Variants in TEX101 observed in about 807,000 individuals in gnomAD.
The protein encoded by TEX101 is testis-expressed protein 101.
TEX101 carries 10 observed loss-of-function variants against 18.1 expected under a neutral mutation model. The ratio of observed to expected loss-of-function variants is 0.55; its 90% CI spans 0.34 to 0.94. The LOEUF (loss-of-function observed/expected upper bound fraction) is 0.94. TEX101 is among the 40% of genes least tolerant of loss of function. The pLI, the probability that TEX101 is intolerant of heterozygous loss-of-function variation, is 0.02. For synonymous variants in TEX101, 94 were observed against 114.8 expected (o/e 0.82, Z 1.16); for missense variants, 259 against 298.9 (o/e 0.87, Z 0.98).
the TEX101 span, among the ~76,000 whole-genome samples, chr19:43,396,396 T>G: frequency 4.6e-5 from 7 of 152,252 alleles, no homozygotes; most frequent in East Asian, 9.6e-4. Flanking sequence ...AACTCACTGT[T>G]TTTCTGTAGC....
chr19:43,392,709 TAC>T, the TEX101 span, among the ~76,000 whole-genome samples: 48 of 151,910 alleles, frequency 3.2e-4, no homozygotes, highest in African/African-American at 1.1e-3. Flanking sequence ...GCTGGAGAGA[TAC>T]AGAGTGAGAG....
chr19:43,406,189 C>G, intron 2 of TEX101: 1 of 341,402 alleles, frequency 2.9e-6, no homozygotes, highest in East Asian at 6.3e-5. Flanking sequence ...GCTTAGGCTG[C>G]TGTGGGTATT....
intron 1 of TEX101, among the ~76,000 whole-genome samples, chr19:43,402,336 A>G (rs752435607): frequency 1.1e-4 from 17 of 152,240 alleles, no homozygotes; most frequent in African/African-American, 3.9e-4. Flanking sequence ...GAACATGATT[A>G]CATTAGATTA....
chr19:43,388,705 T>G, the TEX101 span, among the ~76,000 whole-genome samples: 5 of 152,210 alleles, frequency 3.3e-5, no homozygotes, highest in Non-Finnish European at 5.9e-5. Context: ...TGTAACGGGT[T>G]GCACCTGCTT....
the TEX101 span, among the ~76,000 whole-genome samples, chr19:43,392,863 GC>G: frequency 9.9e-5 from 15 of 152,050 alleles, no homozygotes; most frequent in African/African-American, 2.9e-4. Context: ...TTTGAGACCA[GC>G]CTGGCCAACA....
upstream of TEX101, among the ~76,000 whole-genome samples, chr19:43,413,146 T>C (rs1293951137): frequency 1.3e-5 from 2 of 152,158 alleles, no homozygotes; most frequent in Non-Finnish European, 2.9e-5. Context: ...CCCAGTCACG[T>C]TTCCCACGCT....
At chr19:43,391,889 A>G in the TEX101 span, among the ~76,000 whole-genome samples, 3 of 152,232 alleles carry the variant, frequency 2.0e-5, no homozygotes, top group Admixed American at 1.3e-4. Flanking sequence ...CTGCAGTCTC[A>G]GGAAATATGG....
chr19:43,393,019 CT>C, the TEX101 span, among the ~76,000 whole-genome samples: 1 of 148,498 alleles, frequency 6.7e-6, no homozygotes, highest in African/African-American at 2.6e-5. Flanking sequence ...GATTGTGCCA[CT>C]GCACTCCAGC....
At position 43,415,961 on chromosome 19, in the gene TEX101, C is replaced by G. The variant is rs773506796; in HGVS notation, c.42C>G (p.Val14=). 14 of 1,614,018 alleles carry G rather than the reference C, an allele frequency of 8.7e-6. No individual in the cohort carries two copies. The South Asian group carries it at 1.4e-4, about 16-fold the overall frequency. The part of the protein sequence containing the change: ...PRIQHLLILL[V]LGASLLTSGL... ...TCCAGCATTTGCTGATCCTCCTGGT[C>G]CTAGGAGCCTCCCTCCTGACCTGTG... The change falls in exon 2 of 6, where the codon GTC becomes GTG. Residue 14 remains valine (V), a synonymous_variant. Transcript: ENST00000598265.
upstream of TEX101, among the ~76,000 whole-genome samples, chr19:43,400,548 G>A (rs1402292944): frequency 6.6e-6 from 1 of 152,146 alleles, no homozygotes; most frequent in African/African-American, 2.4e-5. Context: ...ACTGAATGCA[G>A]TTTAGATTTC....
At chr19:43,414,877 G>A (rs551043899), upstream of TEX101, 4 of 985,450 alleles carry the variant, frequency 4.1e-6, no homozygotes, top group East Asian at 1.1e-4. Flanking sequence ...AGGCTGGCCC[G>A]GCCTTGCGTC....
At chr19:43,407,688 A>C (rs1970380038) in intron 3 of TEX101, among the ~76,000 whole-genome samples, 1 of 152,158 alleles carries the variant, frequency 6.6e-6, no homozygotes, top group South Asian at 2.1e-4. Context: ...CATCCGTGGG[A>C]TGCTGACTAA....
At chr19:43,389,989 C>A in the TEX101 span, among the ~76,000 whole-genome samples, 1 of 152,168 alleles carries the variant, frequency 6.6e-6, no homozygotes, top group Admixed American at 6.5e-5. Flanking sequence ...CTTTTTCAGG[C>A]CTCCTCCGGC....
At chr19:43,409,122 G>A (rs183186791) in intron 3 of TEX101, among the ~76,000 whole-genome samples, 60 of 152,342 alleles carry the variant, frequency 3.9e-4, no homozygotes, top group Non-Finnish European at 8.8e-5. Flanking sequence ...CAGACCCAGA[G>A]TAGGTTCAGA....
chr19:43,406,391 ACAGG>A, exon 3 of TEX101: 2 of 709,188 alleles, frequency 2.8e-6, no homozygotes, highest in Non-Finnish European at 5.2e-6. Flanking sequence ...CAGCCAAGGG[ACAGG>A]CTTGGCGGAA....
the TEX101 span, among the ~76,000 whole-genome samples, chr19:43,392,661 C>G: frequency 3.9e-5 from 6 of 151,980 alleles, no homozygotes; most frequent in African/African-American, 1.5e-4. Flanking sequence ...CACAGAGAGA[C>G]ACAGAGGGAA....
intron 4 of TEX101, 56 bp downstream of exon 4, chr19:43,416,611 T>C: frequency 6.5e-7 from 1 of 1,540,304 alleles, no homozygotes. Context: ...AGAGCTTGTG[T>C]ATGGCCTCCC....
chr19:43,416,016 G>A lies in TEX101; in HGVS notation c.64+33G>A, dbSNP rs372904056. The A allele has an allele frequency of 2.2e-5, 36 of 1,612,758 alleles. No homozygotes were observed. In the African/African-American group the frequency reaches 4.4e-4, roughly 20 times the overall value. On this transcript the variant is annotated intron_variant, in intron 2 of 5. Transcript: ENST00000598265. ...TGGGGGACATAGGGGAGAGCCGTGT[G>A]TCACAGAAGGTGGACTGATGATGAA...
At chr19:43,415,789 C>A in intron 1 of TEX101, 92 bp from the exon 2 acceptor site, 3 of 1,128,132 alleles carry the variant, frequency 2.7e-6, no homozygotes, top group Non-Finnish European at 2.6e-6. Flanking sequence ...ATTAAAACAC[C>A]CCACCCTGAA....
Sources: gnomAD v4.1 joint callset for allele counts (sites outside exome capture counted in the v4.1 genomes callset) on GRCh38, gnomAD v4.1.1 for gene constraint, MANE v1.5 for transcripts, NCBI Gene and HGNC (gene_info 2026-07-23, HGNC 2026-07-21) for gene names.